KRT5: variants seen among roughly 807,000 people sequenced by gnomAD.
KRT5 encodes keratin, type II cytoskeletal 5.
Under a neutral mutation model 44.0 loss-of-function variants are expected in KRT5, and 17 were observed. The ratio of observed to expected loss-of-function variants is 0.39; its 90% CI spans 0.26 to 0.58. The LOEUF (loss-of-function observed/expected upper bound fraction) is 0.58, where lower values mean the gene tolerates loss of function less well. Ranked by LOEUF, KRT5 falls within the 20% of genes least tolerant of loss-of-function variation. The pLI is 0.61. For missense variants in KRT5, 737 were observed against 785.5 expected, an observed-to-expected ratio of 0.94 and a Z score of 0.74; for synonymous variants, 329 against 312.8, an observed-to-expected ratio of 1.05 and a Z score of -0.55.
chr12:52,517,185 G>A lies in KRT5; in HGVS notation c.1140C>T (p.Arg380=), dbSNP rs1938625112. The A allele has an allele frequency of 6.2e-7, 1 of 1,614,034 alleles. No homozygotes were observed. The highest frequency in any genetic ancestry group is 8.5e-7 in the Non-Finnish European group (1 of 1,179,982). The change falls in exon 6 of 9, where the codon CGC becomes CGT. Residue 380 remains arginine, a synonymous_variant. Transcript: ENST00000252242. ...QTAGRHGDDL[R]NTKHEISEMN... ...TCTCAGAGATCTCATGCTTGGTGTT[G>A]CGGAGGTCATCGCCATGCCGGCCAG... is the stretch of plus-strand genomic sequence containing the variant.
chr12:52,517,262 T>C, intron 5 of KRT5, 30 bp from the exon 6 acceptor site: 1 of 1,613,668 alleles, frequency 6.2e-7, no homozygotes, highest in Admixed American at 1.7e-5. Context: ...GGAAAGATTC[T>C]GTTTATATGA....
In KRT5 at chr12:52,520,242, T is replaced by C. The variant is rs769963375; in HGVS notation, c.55A>G (p.Thr19Ala). ...ACAGACGGGGTGATGGCAGAGGCGG[T>C]GCTGAAGCTACGACTGCCCCCGCTC... The part of the protein sequence containing the change: ...FRSGGSRSFS[T>A]ASAITPSVSR... The change falls in exon 1 of 9, where the codon ACC becomes GCC. Residue 19 changes from threonine (T) to alanine (A), a missense_variant. Thr to Ala is a moderately conservative substitution (Grantham distance 58). Transcript: ENST00000252242. 3 of 1,613,736 alleles carry C rather than the reference T, an allele frequency of 1.9e-6. No individual in the cohort carries two copies. In the South Asian group the frequency reaches 3.3e-5, roughly 18 times the overall value.
chr12:52,517,241 G>T lies in KRT5; in HGVS notation c.1093-9C>A. 2 of 1,614,052 alleles carry T rather than the reference G, an allele frequency of 1.2e-6. No individual in the cohort carries two copies. Among genetic ancestry groups the T allele is most frequent in the South Asian group, 2.2e-5 (2 of 91,080 alleles). The stretch of plus-strand genomic sequence containing the variant: ...TGCTGCAGCTCCTCATACTGATGCA[G>T]CCAGGAAAGAGGAAAGATTCTGTTT... On this transcript the variant is annotated splice_polypyrimidine_tract_variant and intron_variant, in intron 5 of 8. Transcript: ENST00000252242.
intron 1 of KRT5, 93 bp downstream of exon 1, chr12:52,519,649 T>TATTTGC: frequency 7.7e-7 from 1 of 1,301,238 alleles, no homozygotes; most frequent in South Asian, 1.2e-5. Context: ...ACTATAAAAG[T>TATTTGC]ATTTGCACAA....
Position 52,517,156 on chromosome 12 carries a change from T to C in KRT5, c.1169A>G (p.Asn390Ser), listed in dbSNP as rs1938624597. ...GGCTCTCAGCCTCTGGATCATCCGG[T>C]TCATCTCAGAGATCTCATGCTTGGT... ...RNTKHEISEM[N>S]RMIQRLRAEI... is the part of the protein sequence containing the mutation. The change falls in exon 6 of 9, where the codon AAC becomes AGC. Residue 390 changes from asparagine to serine, a missense_variant. By Grantham distance (46) the Asn-to-Ser change is conservative. Around this residue, in one of 5 missense-constraint regions of KRT5, gnomAD observed 344 missense variants for 351.6 expected, o/e 0.98. Coordinates refer to ENST00000252242, the MANE Select transcript of KRT5 (RefSeq NM_000424.4). 3 of 1,614,172 alleles carry C rather than the reference T, an allele frequency of 1.9e-6. No homozygotes were observed. Among genetic ancestry groups the C allele is most frequent in the Non-Finnish European group, 2.5e-6 (3 of 1,180,016 alleles).
In KRT5 at chr12:52,516,798, C is replaced by T; in HGVS notation, c.1278G>A (p.Lys426=). 1.9e-6 allele frequency: 3 copies of T among 1,614,202 alleles called. No homozygotes were observed. The highest frequency in any genetic ancestry group is 2.5e-6 in the Non-Finnish European group (3 of 1,180,042). The change falls in exon 7 of 9, where the codon AAG becomes AAA. Residue 426 remains lysine, a synonymous_variant. Transcript: ENST00000252242. The part of the protein sequence containing the change: ...DAEQRGELAL[K]DARNKLAELE... Reference sequence around the variant, plus strand: ...GCTCGGCCAGCTTGTTCCTGGCATCCTTGAGGGCCAGCTCCCCACGCTGCT... The same window carrying T: ...GCTCGGCCAGCTTGTTCCTGGCATCTTTGAGGGCCAGCTCCCCACGCTGCT...
At position 52,517,526 on chromosome 12, in the gene KRT5, A is replaced by C. The variant is rs1014380098; in HGVS notation, c.1092+64T>G. Reference sequence around the variant, plus strand: ...CAGGAGCCCCATTCTTAGTGTCGTCATGGCCTAGAATCCTAGACATGGGTG... The same window carrying C: ...CAGGAGCCCCATTCTTAGTGTCGTCCTGGCCTAGAATCCTAGACATGGGTG... On this transcript the variant is annotated intron_variant, in intron 5 of 8. Transcript: ENST00000252242. 3.2e-6 allele frequency: 5 copies of C among 1,553,016 alleles called. No individual in the cohort carries two copies. The African/African-American group carries it at 6.8e-5, about 21-fold the overall frequency.
chr12:52,515,925 A>C, intron 7 of KRT5, 93 bp from the exon 8 acceptor site: 2 of 1,095,840 alleles, frequency 1.8e-6, no homozygotes, highest in Non-Finnish European at 2.8e-6. Context: ...ATTCGAGTTC[A>C]TTCCATAAGC....
chr12:52,514,832 T>C lies in KRT5; in HGVS notation c.*110A>G. 1 of 976,086 alleles carries C rather than the reference T, an allele frequency of 1.0e-6. No individual in the cohort carries two copies. 60.5% of individuals were successfully genotyped at this position (976,086 alleles called of 1,614,324 possible). A position where few individuals can be genotyped will look rare whatever the true frequency, so the allele number is the denominator to read the frequency against. ...ATGTGGTTCTGCAATTGGCTTGGTC[T>C]AGACTACTCTCCAGAAAAGGATAAA... On this transcript the variant is annotated 3_prime_UTR_variant, in exon 9 of 9. Transcript: ENST00000252242.
chr12:52,516,063 C>T, intron 7 of KRT5: 1 of 597,120 alleles, frequency 1.7e-6, no homozygotes, highest in Non-Finnish European at 3.0e-6. Context: ...ACATTCTTCT[C>T]CACCCACTAT....
chr12:52,519,830 T>C lies in KRT5; in HGVS notation c.467A>G (p.Gln156Arg). The part of the protein sequence containing the change: ...NQSLLTPLNL[Q>R]IDPSIQRVRT... ...CACCCTCTGGATGCTGGGGTCGATT[T>C]GCAGGTTGAGGGGAGTCAGGAGACT... The change falls in exon 1 of 9, where the codon CAA becomes CGA. Residue 156 changes from glutamine to arginine, a missense_variant. By Grantham distance (43) the Gln-to-Arg change is conservative. Transcript: ENST00000252242. The C allele has an allele frequency of 6.2e-7, 1 of 1,613,896 alleles. No individual in the cohort carries two copies.
chr12:52,517,627 C>A lies in KRT5; in HGVS notation c.1055G>T (p.Arg352Leu), dbSNP rs766857995. The change falls in exon 5 of 9, where the codon CGC (arginine) becomes CTC (leucine). Residue 352 changes from arginine (R) to leucine (L), a missense_variant. Arg to Leu is a moderately radical substitution (Grantham distance 102). Transcript: ENST00000252242. ...VKAQYEEIAN[R>L]SRTEAESWYQ... ...CCAGGACTCGGCTTCTGTCCGGCTG[C>A]GGTTGGCAATCTCCTCATACTGGGC... 1 of 1,614,132 alleles carries A rather than the reference C, an allele frequency of 6.2e-7. No homozygotes were observed. The highest frequency in any genetic ancestry group is 1.1e-5 in the South Asian group (1 of 91,080).
rs767391857 is a variant in KRT5, at chr12:52,515,780, C to T, written c.1474+18G>A. The T allele has an allele frequency of 3.7e-6, 6 of 1,601,224 alleles. No individual in the cohort carries two copies. Among genetic ancestry groups the T allele is most frequent in the Non-Finnish European group, 5.1e-6 (6 of 1,168,276 alleles). On this transcript the variant is annotated intron_variant, in intron 8 of 8. Coordinates refer to ENST00000252242, the MANE Select transcript of KRT5 (RefSeq NM_000424.4). ...CCCATATTATTGTCGTTGTTAATGT[C>T]TGTTCAAAGCTACTTACAGATGTTG...
At chr12:52,516,129 T>C (rs561263847) in intron 7 of KRT5, 34 of 528,690 alleles carry the variant, frequency 6.4e-5, no homozygotes, top group Admixed American at 1.9e-4. Context: ...GTTTTTGCCT[T>C]GTAGGAGTTA....
chr12:52,517,917 T>A lies in KRT5; in HGVS notation c.907A>T (p.Met303Leu), dbSNP rs199854656. Residue 303 changes from methionine (M) to leucine (L), a missense_variant, in exon 4 of 9, where the codon ATG (methionine) becomes TTG (leucine). Met to Leu is a conservative substitution (Grantham distance 15). This residue lies in a region of KRT5 where 59 missense variants were observed against 62.5 expected (regional missense o/e 0.94). Transcript: ENST00000252242. ...CTTACCGCATCAAAGAACATCTTCA[T>A]GAAGTTAATCTCATCCATCAGTGCA... ...VDALMDEINF[M>L]KMFFDAELSQ... The A allele has an allele frequency of 8.7e-5, 140 of 1,614,078 alleles. No individual in the cohort carries two copies. Among genetic ancestry groups the A allele is most frequent in the Middle Eastern group, 1.6e-4 (1 of 6,082 alleles).
In KRT5 at chr12:52,517,713, C is replaced by T; in HGVS notation, c.969G>A (p.Val323=). ...TGCGGTTGTTGTCCATGGAGAGGAC[C>T]ACTGAGGTGTCAGAGACATGCGTCT... is the stretch of plus-strand genomic sequence containing the variant. ...QMQTHVSDTS[V]VLSMDNNRNL... is the part of the protein sequence containing the mutation. Residue 323 remains valine (V), a synonymous_variant, in exon 5 of 9, where the codon GTG becomes GTA. Coordinates refer to ENST00000252242, the MANE Select transcript of KRT5 (RefSeq NM_000424.4). The T allele has an allele frequency of 3.1e-6, 5 of 1,614,174 alleles. No homozygotes were observed. The South Asian group carries it at 5.5e-5, about 18-fold the overall frequency.
chr12:52,515,130 T>C lies in KRT5; in HGVS notation c.1585A>G (p.Ser529Gly). 6.2e-7 allele frequency: 1 copy of C among 1,610,428 alleles called. No individual in the cohort carries two copies. The highest frequency in any genetic ancestry group is 8.5e-7 in the Non-Finnish European group (1 of 1,178,830). Residue 529 changes from serine to glycine, a missense_variant, in exon 9 of 9, where the codon AGT (serine) becomes GGT (glycine). Ser to Gly is a moderately conservative substitution (Grantham distance 56). Transcript: ENST00000252242. ...GLGGGLAGGS[S>G]GSYYSSSSGG... ...CTGCTGCTGGAGTAGTAGCTTCCAC[T>C]GCTACCTCCGGCAAGACCTCCACCG...
At chr12:52,517,047 A>G (rs1938622722) in intron 6 of KRT5, 60 bp downstream of exon 6, 2 of 1,604,970 alleles carry the variant, frequency 1.2e-6, no homozygotes, top group South Asian at 1.1e-5. Flanking sequence ...AAATAAAACA[A>G]AGTAGGTGTT....
In KRT5 at chr12:52,516,774, C is replaced by A. The variant is rs778361402; in HGVS notation, c.1302G>T (p.Glu434Asp). 1 of 1,614,088 alleles carries A rather than the reference C, an allele frequency of 6.2e-7. No homozygotes were observed. The change falls in exon 7 of 9, where the codon GAG becomes GAT. Residue 434 changes from glutamate (E) to aspartate (D), a missense_variant. Transcript: ENST00000252242. ...ALKDARNKLA[E>D]LEEALQKAKQ... ...TGGCCTTCTGCAGGGCCTCCTCCAG[C>A]TCGGCCAGCTTGTTCCTGGCATCCT...
Sources: gnomAD v4.1 joint callset for allele counts on GRCh38, gnomAD v4.1.1 for gene constraint, gnomAD v4.1.1 regional missense constraint, MANE v1.5 for transcripts, NCBI Gene and HGNC (gene_info 2026-07-23, HGNC 2026-07-21) for gene names.